ITPR2: variants seen among roughly 807,000 people sequenced by gnomAD.
The protein encoded by ITPR2 is inositol 1,4,5-trisphosphate-gated calcium channel ITPR2.
A neutral mutation model predicts 317.1 loss-of-function variants in ITPR2; 207 were observed. That is an observed-to-expected ratio of 0.65 (90% CI 0.58 to 0.73). The LOEUF (loss-of-function observed/expected upper bound fraction) is 0.73, where lower values mean the gene tolerates loss of function less well. Among genes scored for constraint, ITPR2 ranks in the 30% least tolerant of loss-of-function variants. ITPR2 has a pLI of 0.00. For synonymous variants in ITPR2, 1,156 were observed against 1,149.1 expected (o/e 1.01, Z -0.12); for missense variants, 2,613 against 3,284.0 (o/e 0.80, Z 4.99).
chr12:26,639,717 G>A (rs12816011), intron 21 of ITPR2, among the ~76,000 whole-genome samples: 25,843 of 148,850 alleles, frequency 0.17, 2,228 homozygotes, highest in Middle Eastern at 0.24. Flanking sequence ...GAGAATATGC[G>A]GTGTTTGGTT....
At chr12:26,715,685 G>A in intron 7 of ITPR2, 67 bp downstream of exon 7, 1 of 1,040,184 alleles carries the variant, frequency 9.6e-7, no homozygotes, top group Non-Finnish European at 1.5e-6. Context: ...CATAGGTTTT[G>A]CATCTAGAAT....
chr12:26,601,510 G>T (rs1945997611), intron 28 of ITPR2, among the ~76,000 whole-genome samples: 2 of 152,130 alleles, frequency 1.3e-5, no homozygotes. Context: ...AAGAATGGTG[G>T]GGGTGATGTT....
chr12:26,513,480 G>A (rs1943409348), intron 37 of ITPR2, among the ~76,000 whole-genome samples: 1 of 151,912 alleles, frequency 6.6e-6, no homozygotes. Context: ...ACTCTGAATG[G>A]GCAATTACTT....
intron 45 of ITPR2, among the ~76,000 whole-genome samples, chr12:26,455,259 T>C (rs1004854550): frequency 5.3e-5 from 8 of 151,488 alleles, no homozygotes. Flanking sequence ...ACTTCAGGTT[T>C]CTTCAGCTTT....
intron 26 of ITPR2, among the ~76,000 whole-genome samples, chr12:26,613,181 C>G (rs115584465): frequency 6.6e-6 from 1 of 152,134 alleles, no homozygotes; most frequent in Non-Finnish European, 1.5e-5. Flanking sequence ...CTGAAATGTA[C>G]ACTTTACACA....
intron 55 of ITPR2, among the ~76,000 whole-genome samples, chr12:26,372,810 T>C (rs1291770610): frequency 6.6e-6 from 1 of 152,166 alleles, no homozygotes; most frequent in Non-Finnish European, 1.5e-5. Flanking sequence ...TGGTACTGGG[T>C]CCTAAGCTTG....
At chr12:26,486,944 G>A in intron 40 of ITPR2, 124 bp downstream of exon 40, 1 of 994,870 alleles carries the variant, frequency 1.0e-6, no homozygotes, top group Non-Finnish European at 1.6e-6. Flanking sequence ...CTTTATGGAT[G>A]ATCAGAGCCA....
chr12:26,724,910 C>G (rs1198584553), intron 3 of ITPR2, among the ~76,000 whole-genome samples, 168 bp from the exon 4 acceptor site: 2 of 152,064 alleles, frequency 1.3e-5, no homozygotes, highest in African/African-American at 4.8e-5. Flanking sequence ...TTTATGTTTC[C>G]ATCATATCAT....
chr12:26,365,366 T>C (rs1439101139), intron 55 of ITPR2, among the ~76,000 whole-genome samples: 1 of 152,236 alleles, frequency 6.6e-6, no homozygotes, highest in Non-Finnish European at 1.5e-5. Flanking sequence ...CCTGCAACTT[T>C]AATTACATGA....
chr12:26,461,703 C>T (rs866869977), intron 45 of ITPR2, among the ~76,000 whole-genome samples: 5,112 of 144,614 alleles, frequency 0.035, 176 homozygotes, highest in Middle Eastern at 0.1. Flanking sequence ...CACACACACA[C>T]ACACACACAC....
At chr12:26,636,386 A>G (rs954259995) in intron 21 of ITPR2, among the ~76,000 whole-genome samples, 7 of 152,228 alleles carry the variant, frequency 4.6e-5, no homozygotes, top group African/African-American at 1.7e-4. Context: ...CACGAGTTCC[A>G]TGAGGACAGG....
At chr12:26,426,429 C>T (rs1284037491) in intron 49 of ITPR2, among the ~76,000 whole-genome samples, 1 of 152,128 alleles carries the variant, frequency 6.6e-6, no homozygotes, top group African/African-American at 2.4e-5. Flanking sequence ...TTCATGTAAA[C>T]ATTTTCTGAA....
intron 6 of ITPR2, 72 bp from the exon 7 acceptor site, chr12:26,715,907 T>C: frequency 2.7e-6 from 3 of 1,098,710 alleles, no homozygotes; most frequent in Non-Finnish European, 4.1e-6. Flanking sequence ...TTAGTTCAAC[T>C]AGTAAAAGGA....
chr12:26,367,501 A>C (rs929503466), intron 55 of ITPR2, among the ~76,000 whole-genome samples: 2 of 152,210 alleles, frequency 1.3e-5, no homozygotes, highest in African/African-American at 4.8e-5. Context: ...CCAGAGATGC[A>C]AGATGAAGAT....
chr12:26,796,147 T>C (rs1288934288), intron 1 of ITPR2, among the ~76,000 whole-genome samples: 1 of 152,202 alleles, frequency 6.6e-6, no homozygotes, highest in African/African-American at 2.4e-5. Context: ...AGAGGCCTTT[T>C]TTCTCATTCA....
intron 54 of ITPR2, among the ~76,000 whole-genome samples, chr12:26,395,547 T>G (rs1029185981): frequency 6.6e-6 from 1 of 152,082 alleles, no homozygotes; most frequent in East Asian, 1.9e-4. Context: ...CCAAAGAGCA[T>G]CTCTTTCAGA....
Position 26,494,180 on chromosome 12 carries a change from C to T in ITPR2, c.5343G>A (p.Leu1781=). The T allele has an allele frequency of 6.2e-7, 1 of 1,612,542 alleles. No individual in the cohort carries two copies. The highest frequency in any genetic ancestry group is 8.5e-7 in the Non-Finnish European group (1 of 1,179,352). The change falls in exon 39 of 57, where the codon TTG becomes TTA. Residue 1781 remains leucine (L), a synonymous_variant. Transcript: ENST00000381340. ...GTGTTTGTGTATTTCCTCCTTCAAG[C>T]AAGGCAATGCCGAGGAAAATGCCTT... ...FSEGIFLGIA[L]LEGGNTQTQY... is the part of the protein sequence containing the mutation.
intron 10 of ITPR2, among the ~76,000 whole-genome samples, chr12:26,695,352 ATC>A (rs977434898): frequency 1.3e-5 from 2 of 152,154 alleles, no homozygotes; most frequent in African/African-American, 4.8e-5. Flanking sequence ...GACCCACCAT[ATC>A]TCTCAGATGC....
intron 21 of ITPR2, among the ~76,000 whole-genome samples, chr12:26,635,964 G>A (rs1009008472): frequency 2.0e-5 from 3 of 152,190 alleles, no homozygotes; most frequent in Admixed American, 2.0e-4. Context: ...TAGCAACCTG[G>A]GTTAAGGGGA....
Sources: allele counts gnomAD v4.1 joint callset (sites outside exome capture counted in the v4.1 genomes callset), GRCh38; gene constraint gnomAD v4.1.1; transcripts MANE v1.5; gene names NCBI Gene and HGNC (gene_info 2026-07-23, HGNC 2026-07-21).